The following CACNA2D3 variants were observed in gnomAD, a reference collection of about 807,000 sequenced individuals.
CACNA2D3 encodes voltage-dependent calcium channel subunit alpha-2/delta-3.
A neutral mutation model predicts 160.6 loss-of-function variants in CACNA2D3; 60 were observed. The observed-to-expected ratio is 0.37, with a 90% confidence interval of 0.30 to 0.46. CACNA2D3 has a LOEUF of 0.46. Ranked by LOEUF, CACNA2D3 falls within the 20% of genes least tolerant of loss-of-function variation. CACNA2D3 has a pLI of 1.00. For missense variants in CACNA2D3, 1,205 were observed against 1,365.0 expected (o/e 0.88, Z 1.85); for synonymous variants, 558 against 492.9 (o/e 1.13, Z -1.75).
At chr3:54,586,993 AC>A (rs1702773919) in intron 9 of CACNA2D3, among the ~76,000 whole-genome samples, 1 of 152,162 alleles carries the variant, frequency 6.6e-6, no homozygotes, top group East Asian at 1.9e-4. Flanking sequence ...ATTACATATC[AC>A]AAGAGGTGGA....
chr3:54,254,478 T>C (rs1301509400), intron 2 of CACNA2D3, among the ~76,000 whole-genome samples: 1 of 152,194 alleles, frequency 6.6e-6, no homozygotes, highest in East Asian at 1.9e-4. Flanking sequence ...AATCTTCCAG[T>C]AGCTTCTTTG....
At chr3:54,953,351 A>G (rs1701804196) in intron 27 of CACNA2D3, among the ~76,000 whole-genome samples, 1 of 152,200 alleles carries the variant, frequency 6.6e-6, no homozygotes, top group Non-Finnish European at 1.5e-5. Flanking sequence ...AGACACAGAT[A>G]GTAACTAAGA....
chr3:54,817,315 A>C (rs186548363), intron 14 of CACNA2D3, among the ~76,000 whole-genome samples: 2 of 152,322 alleles, frequency 1.3e-5, no homozygotes, highest in African/African-American at 4.8e-5. Flanking sequence ...TAATTGTAAA[A>C]ATCAGCAGCT....
At chr3:54,822,806 T>TCCTTC (rs1553874304) in intron 14 of CACNA2D3, among the ~76,000 whole-genome samples, 4 of 113,070 alleles carry the variant, frequency 3.5e-5, no homozygotes, top group East Asian at 2.5e-4. Context: ...TTTCTTTCTT[T>TCCTTC]CTTTCTTTCT....
At chr3:54,198,147 A>T (rs1423998544) in intron 2 of CACNA2D3, among the ~76,000 whole-genome samples, 1 of 152,230 alleles carries the variant, frequency 6.6e-6, no homozygotes, top group Non-Finnish European at 1.5e-5. Context: ...ACTTGTGCAT[A>T]ACAAGGACGG....
At chr3:54,735,280 T>C (rs1263052623) in intron 11 of CACNA2D3, among the ~76,000 whole-genome samples, 1 of 152,178 alleles carries the variant, frequency 6.6e-6, no homozygotes, top group Non-Finnish European at 1.5e-5. Context: ...ATGGTGAGCC[T>C]TCAGAAGCCA....
At chr3:54,641,828 C>T (rs1484876302) in intron 10 of CACNA2D3, among the ~76,000 whole-genome samples, 1 of 152,214 alleles carries the variant, frequency 6.6e-6, no homozygotes, top group Non-Finnish European at 1.5e-5. Flanking sequence ...ACCCTTCCCC[C>T]ACTTCCTGGC....
intron 9 of CACNA2D3, among the ~76,000 whole-genome samples, chr3:54,610,433 A>G (rs1036771011): frequency 6.9e-6 from 1 of 145,386 alleles, no homozygotes; most frequent in Non-Finnish European, 1.5e-5. Context: ...CAGCAGAATC[A>G]TAATGCTTTT....
intron 2 of CACNA2D3, among the ~76,000 whole-genome samples, chr3:54,257,129 A>G (rs1702312855): frequency 6.6e-6 from 1 of 152,188 alleles, no homozygotes; most frequent in African/African-American, 2.4e-5. Context: ...AGTCCATTAG[A>G]CATTTCTGTT....
chr3:54,703,551 C>A (rs1023585474), intron 11 of CACNA2D3, among the ~76,000 whole-genome samples: 2 of 152,136 alleles, frequency 1.3e-5, no homozygotes, highest in African/African-American at 4.8e-5. Context: ...GCGCTGGCCA[C>A]ATAGTGAAGG....
At chr3:54,458,819 T>C (rs957600705) in intron 4 of CACNA2D3, among the ~76,000 whole-genome samples, 3 of 151,950 alleles carry the variant, frequency 2.0e-5, no homozygotes, top group Non-Finnish European at 2.9e-5. Flanking sequence ...ATGTGCACAA[T>C]GTGCAGGTTA....
chr3:54,854,793 A>G (rs1699130863), intron 17 of CACNA2D3, among the ~76,000 whole-genome samples: 1 of 152,166 alleles, frequency 6.6e-6, no homozygotes, highest in South Asian at 2.1e-4. Flanking sequence ...TTGAAGGGCA[A>G]AAAAGATATT....
chr3:54,938,305 G>A (rs1277526126), intron 27 of CACNA2D3, among the ~76,000 whole-genome samples: 6 of 152,202 alleles, frequency 3.9e-5, no homozygotes, highest in Non-Finnish European at 5.9e-5. Context: ...ACCAGAAGTG[G>A]CAAATGAGTG....
chr3:54,390,735 A>T (rs1699264915), intron 4 of CACNA2D3, among the ~76,000 whole-genome samples: 1 of 152,168 alleles, frequency 6.6e-6, no homozygotes, highest in Admixed American at 6.5e-5. Flanking sequence ...ATTAAGTGCA[A>T]GTATATTAAC....
chr3:54,400,276 G>A (rs978688686), intron 4 of CACNA2D3, among the ~76,000 whole-genome samples: 1 of 151,744 alleles, frequency 6.6e-6, no homozygotes, highest in Admixed American at 6.6e-5. Context: ...CGCTCACGCT[G>A]GGAGCTGTAG....
chr3:54,255,098 A>G, intron 2 of CACNA2D3, among the ~76,000 whole-genome samples: 1 of 152,178 alleles, frequency 6.6e-6, no homozygotes, highest in Admixed American at 6.5e-5. Context: ...TATTGCACAC[A>G]TTTTTCTCTC....
intron 4 of CACNA2D3, among the ~76,000 whole-genome samples, chr3:54,407,328 T>C (rs543032113): frequency 3.3e-5 from 5 of 152,268 alleles, no homozygotes; most frequent in African/African-American, 1.2e-4. Flanking sequence ...TGAAAAGAGA[T>C]GGAACTTTCA....
chr3:54,788,487 G>A (rs1390091488), intron 13 of CACNA2D3, among the ~76,000 whole-genome samples: 10 of 152,102 alleles, frequency 6.6e-5, no homozygotes, highest in East Asian at 1.9e-4. Flanking sequence ...GGAGCCAGTC[G>A]GAGGTGTCCA....
chr3:55,067,896 C>T (rs905125288), intron 35 of CACNA2D3, among the ~76,000 whole-genome samples: 1 of 152,220 alleles, frequency 6.6e-6, no homozygotes, highest in African/African-American at 2.4e-5. Flanking sequence ...ATGCTCAAAT[C>T]ACTTGGCTGA....
Sources: allele counts gnomAD v4.1 joint callset (sites outside exome capture counted in the v4.1 genomes callset), GRCh38; gene constraint gnomAD v4.1.1; transcripts MANE v1.5; gene names NCBI Gene and HGNC (gene_info 2026-07-23, HGNC 2026-07-21).